MAP4K3: variants seen among roughly 807,000 people sequenced by gnomAD.
MAP4K3 encodes the protein MAPK/ERK kinase kinase kinase 3.
Under a neutral mutation model 143.5 loss-of-function variants are expected in MAP4K3, and 94 were observed. The observed-to-expected ratio is 0.65, with a 90% CI of 0.55 to 0.78. The LOEUF is 0.78. Ranked by LOEUF, MAP4K3 falls within the 30% of genes least tolerant of loss-of-function variation. The pLI, the probability that MAP4K3 is intolerant of heterozygous loss-of-function variation, is 0.00. For synonymous variants in MAP4K3, 416 were observed against 347.2 expected, an observed-to-expected ratio of 1.20 and a Z score of -2.20; for missense variants, 1,077 against 1,068.1, an observed-to-expected ratio of 1.01 and a Z score of -0.12.
chr2:39,398,203 C>A (rs1666859641), intron 1 of MAP4K3, among the ~76,000 whole-genome samples: 1 of 151,924 alleles, frequency 6.6e-6, no homozygotes, highest in African/African-American at 2.4e-5. Flanking sequence ...TATGAAATTG[C>A]CTGTTAATAG....
intron 1 of MAP4K3, among the ~76,000 whole-genome samples, chr2:39,397,878 GC>G (rs1386132560): frequency 6.6e-6 from 1 of 152,094 alleles, no homozygotes; most frequent in Non-Finnish European, 1.5e-5. Flanking sequence ...AATACAAATG[GC>G]CCTTGAATAT....
intron 2 of MAP4K3, among the ~76,000 whole-genome samples, chr2:39,361,140 C>A (rs1665757994): frequency 6.6e-6 from 1 of 152,160 alleles, no homozygotes; most frequent in African/African-American, 2.4e-5. Context: ...ATCTGTCTGT[C>A]TCTGCCTCCC....
chr2:39,387,275 T>C (rs1196316452), intron 1 of MAP4K3, among the ~76,000 whole-genome samples: 1 of 152,198 alleles, frequency 6.6e-6, no homozygotes, highest in Non-Finnish European at 1.5e-5. Flanking sequence ...AAATCTGCTG[T>C]TGGGACTTTT....
At chr2:39,297,026 T>C (rs796928835) in intron 16 of MAP4K3, among the ~76,000 whole-genome samples, 1 of 152,230 alleles carries the variant, frequency 6.6e-6, no homozygotes, top group Non-Finnish European at 1.5e-5. Context: ...TGTAATTCAA[T>C]GTACTCTTTT....
chr2:39,263,558 C>T (rs1224698250), intron 28 of MAP4K3, among the ~76,000 whole-genome samples: 4 of 151,716 alleles, frequency 2.6e-5, no homozygotes, highest in African/African-American at 4.8e-5. Context: ...GGATTACAAG[C>T]GTGAGCCACC....
chr2:39,332,790 T>C (rs1186795341), intron 7 of MAP4K3, among the ~76,000 whole-genome samples: 2 of 152,112 alleles, frequency 1.3e-5, no homozygotes, highest in African/African-American at 2.4e-5. Context: ...TGTTAATTTC[T>C]AGATACATAT....
In MAP4K3 at chr2:39,330,345, C is replaced by T. The variant is rs567731221; in HGVS notation, c.530+1572G>A. Reference sequence around the variant, plus strand: ...AGACACTAGTGCAATACTTCAAAAACTCTATCCTAGAATTACCCACCAAAA... The same window carrying T: ...AGACACTAGTGCAATACTTCAAAAATTCTATCCTAGAATTACCCACCAAAA... On this transcript the variant is annotated intron_variant, in intron 8 of 33. Transcript: ENST00000263881. Among the ~76,000 whole-genome samples the T allele has an allele frequency of 1.3e-3, 199 of 152,192 alleles. 4 individuals are homozygous for T. In the South Asian group the frequency reaches 0.024, roughly 18 times the overall value.
At chr2:39,257,119 C>CTGCCTTTA (rs1680372146) in intron 31 of MAP4K3, among the ~76,000 whole-genome samples, 1 of 152,190 alleles carries the variant, frequency 6.6e-6, no homozygotes, top group South Asian at 2.1e-4. Context: ...AATGAACTAA[C>CTGCCTTTA]TGCCTTTAGC....
intron 1 of MAP4K3, among the ~76,000 whole-genome samples, chr2:39,381,954 C>A (rs6723987): frequency 0.031 from 4,726 of 152,220 alleles, 232 homozygotes; most frequent in African/African-American, 0.1. Context: ...ACCACATACT[C>A]CCATAGGTTC....
At chr2:39,311,473 G>A (rs1682934410) in intron 13 of MAP4K3, among the ~76,000 whole-genome samples, 1 of 152,186 alleles carries the variant, frequency 6.6e-6, no homozygotes, top group South Asian at 2.1e-4. Context: ...AGTGACTCCT[G>A]CCTCTTGGTA....
At position 39,429,460 on chromosome 2, in the gene MAP4K3, A is replaced by G. The variant is rs1033315615; in HGVS notation, c.96+7432T>C. 2.0e-5 allele frequency among the ~76,000 whole-genome samples: 3 copies of G among 152,236 alleles called. No individual in the cohort carries two copies. The South Asian group carries it at 6.2e-4, about 32-fold the overall frequency. ...TATAAAATATCACAAAATTATATAC[A>G]AAGATATAAAAAATGAATGCATACA... On this transcript the variant is annotated intron_variant, in intron 1 of 33. Transcript: ENST00000263881.
chr2:39,425,050 T>C (rs1243161003), intron 1 of MAP4K3, among the ~76,000 whole-genome samples: 3 of 152,188 alleles, frequency 2.0e-5, no homozygotes, highest in Admixed American at 6.5e-5. Context: ...ATGAGGTTAC[T>C]GGAAGAAACA....
At chr2:39,383,758 A>T (rs1446683789) in intron 1 of MAP4K3, among the ~76,000 whole-genome samples, 2 of 152,068 alleles carry the variant, frequency 1.3e-5, no homozygotes, top group Non-Finnish European at 2.9e-5. Context: ...AAACAGGGCA[A>T]ATTCTCTAAA....
At chr2:39,370,323 T>G (rs535441363) in intron 2 of MAP4K3, among the ~76,000 whole-genome samples, 1 of 152,312 alleles carries the variant, frequency 6.6e-6, no homozygotes, top group African/African-American at 2.4e-5. Flanking sequence ...AACTACTCTA[T>G]TCATGATGGC....
In MAP4K3 at chr2:39,309,508, T is replaced by C; in HGVS notation, c.1009A>G (p.Lys337Glu). ...TCCTTTCTTAAGGGTGGATCAAATT[T>C]CACTTGGCCAACTAAAAAAGAAAAA... Reference protein sequence around the residue: ...TRSEITFGQVKFDPPLRKETE... With the variant: ...TRSEITFGQVEFDPPLRKETE... The change falls in exon 14 of 34, where the codon AAA (lysine) becomes GAA (glutamate). Residue 337 changes from lysine (K) to glutamate (E), a missense_variant. Lys to Glu is a moderately conservative substitution (Grantham distance 56, BLOSUM62 1). This residue lies in a region of MAP4K3 where 864 missense variants were observed against 801.2 expected (regional missense o/e 1.08). Coordinates refer to ENST00000263881, the MANE Select transcript of MAP4K3 (RefSeq NM_003618.4). 2 of 1,569,484 alleles carry C rather than the reference T, an allele frequency of 1.3e-6. No homozygotes were observed. Among genetic ancestry groups the C allele is most frequent in the East Asian group, 2.3e-5 (1 of 44,360 alleles).
At chr2:39,430,501 C>T (rs931517244) in intron 1 of MAP4K3, among the ~76,000 whole-genome samples, 1 of 151,442 alleles carries the variant, frequency 6.6e-6, no homozygotes, top group Non-Finnish European at 1.5e-5. Context: ...GATTTTTGTA[C>T]ATATAAAGGT....
intron 15 of MAP4K3, among the ~76,000 whole-genome samples, chr2:39,302,051 A>T (rs980487813): frequency 6.6e-5 from 10 of 152,020 alleles, no homozygotes; most frequent in African/African-American, 2.2e-4. Flanking sequence ...AAATTAAAAA[A>T]AAATAAAGAA....
intron 12 of MAP4K3, among the ~76,000 whole-genome samples, chr2:39,320,863 T>C (rs1050778751): frequency 7.2e-5 from 11 of 152,150 alleles, no homozygotes; most frequent in African/African-American, 2.7e-4. Context: ...TAGATCTATC[T>C]TTGTGGAAAC....
intron 2 of MAP4K3, among the ~76,000 whole-genome samples, chr2:39,377,860 A>G (rs1666260364): frequency 6.6e-6 from 1 of 152,164 alleles, no homozygotes; most frequent in Non-Finnish European, 1.5e-5. Flanking sequence ...TTCCTCCCCC[A>G]ATTATCAGTT....
Sources: allele counts gnomAD v4.1 joint callset (sites outside exome capture counted in the v4.1 genomes callset), GRCh38; gene constraint gnomAD v4.1.1; regional missense constraint gnomAD v4.1.1; transcripts MANE v1.5; gene names NCBI Gene and HGNC (gene_info 2026-07-23, HGNC 2026-07-21).